Variants in ACOXL observed in about 807,000 individuals in gnomAD.
The protein encoded by ACOXL is acyl-CoA oxidase like.
In ACOXL, 70 loss-of-function variants were observed where a neutral mutation model predicts 71.9. The ratio of observed to expected loss-of-function variants is 0.97; its 90% confidence interval spans 0.80 to 1.19. ACOXL has a LOEUF of 1.19. ACOXL is among the 50% of genes most tolerant of loss of function. ACOXL has a pLI of 0.00. For missense variants in ACOXL, 703 were observed against 736.3 expected, an observed-to-expected ratio of 0.95 and a Z score of 0.52; for synonymous variants, 253 against 281.6, an observed-to-expected ratio of 0.90 and a Z score of 1.02.
At position 111,081,897 on chromosome 2, in the gene ACOXL, A is replaced by G. The variant is rs1475699507; in HGVS notation, c.1441-10968A>G. Among the ~76,000 whole-genome samples, 3 of 152,216 alleles carry G rather than the reference A, an allele frequency of 2.0e-5. No homozygotes were observed. The East Asian group carries it at 5.8e-4, about 29-fold the overall frequency. The stretch of plus-strand genomic sequence containing the variant: ...ATCTATAATCATCTGATCTTTGACA[A>G]ACCTTACAAAAACAAGCAATGGGGA... On this transcript the variant is annotated intron_variant, in intron 16 of 17. Coordinates refer to ENST00000439055, the MANE Select transcript of ACOXL (RefSeq NM_001142807.4).
intron 11 of ACOXL, 93 bp downstream of exon 11, chr2:110,908,998 C>G (rs1230106863): frequency 3.2e-6 from 3 of 948,174 alleles, no homozygotes; most frequent in African/African-American, 1.7e-5. Flanking sequence ...ATGTCATTTT[C>G]TAACTGTGAT....
chr2:110,942,511 G>T (rs761424121), intron 12 of ACOXL, among the ~76,000 whole-genome samples: 59 of 152,136 alleles, frequency 3.9e-4, no homozygotes, highest in Non-Finnish European at 1.5e-5. Flanking sequence ...TCCTCAGGAG[G>T]ATATTACAAT....
At chr2:111,069,300 C>T (rs994270423) in intron 16 of ACOXL, among the ~76,000 whole-genome samples, 2 of 152,004 alleles carry the variant, frequency 1.3e-5, no homozygotes, top group South Asian at 2.1e-4. Flanking sequence ...TACAGGTATG[C>T]GCCATCACAT....
intron 1 of ACOXL, among the ~76,000 whole-genome samples, chr2:110,764,335 A>G (rs1308018915): frequency 6.6e-6 from 1 of 152,236 alleles, no homozygotes; most frequent in Admixed American, 6.5e-5. Context: ...TAGTGCTAAA[A>G]AAAAATGAGG....
intron 9 of ACOXL, among the ~76,000 whole-genome samples, chr2:110,815,838 C>G (rs1687844855): frequency 6.6e-6 from 1 of 152,134 alleles, no homozygotes; most frequent in South Asian, 2.1e-4. Flanking sequence ...GTAAGAAAGT[C>G]TTGCTTGGGG....
chr2:111,104,196 C>G (rs150085945), intron 17 of ACOXL, among the ~76,000 whole-genome samples: 138 of 152,304 alleles, frequency 9.1e-4, no homozygotes, highest in African/African-American at 3.2e-3. Context: ...TTCCACACTA[C>G]ACATGGACTG....
At position 111,117,633 on chromosome 2, in the gene ACOXL, C is replaced by T. The variant is rs770235835; in HGVS notation, c.1560C>T (p.Asp520=). The T allele has an allele frequency of 5.2e-6, 8 of 1,551,806 alleles. No homozygotes were observed. The highest frequency in any genetic ancestry group is 1.4e-5 in the African/African-American group (1 of 73,192). Reference sequence around the variant, plus strand: ...TTTTGCAGTTGCTGGATTTGTGCGACTCGGTGAAGGATGATGCCCGGAGGG... The same window carrying T: ...TTTTGCAGTTGCTGGATTTGTGCGATTCGGTGAAGGATGATGCCCGGAGGG... The part of the protein sequence containing the change: ...RIRNQLLDLC[D]SVKDDARRVI... Residue 520 remains aspartate (D), a synonymous_variant, in exon 18 of 18, where the codon GAC becomes GAT. Transcript: ENST00000439055.
At chr2:110,968,065 G>T in intron 12 of ACOXL, 1 of 1,174,996 alleles carries the variant, frequency 8.5e-7, no homozygotes, top group Non-Finnish European at 1.3e-6. Context: ...AGTCTGCGCA[G>T]CATACGCACA....
At chr2:110,933,363 A>G in intron 11 of ACOXL, 126 bp from the exon 12 acceptor site, 1 of 1,222,220 alleles carries the variant, frequency 8.2e-7, no homozygotes, top group Non-Finnish European at 1.1e-6. Flanking sequence ...CTACAGTTTA[A>G]AATCTGCATC....
intron 11 of ACOXL, among the ~76,000 whole-genome samples, chr2:110,921,398 C>A (rs867978435): frequency 3.8e-5 from 5 of 131,034 alleles, no homozygotes; most frequent in South Asian, 3.1e-4. Flanking sequence ...ACCCCCCCCC[C>A]CCTTTTTTTT....
At chr2:110,984,858 A>G (rs139740444) in intron 12 of ACOXL, among the ~76,000 whole-genome samples, 3 of 152,316 alleles carry the variant, frequency 2.0e-5, no homozygotes, top group African/African-American at 7.2e-5. Context: ...TGGGCAGTAC[A>G]TTGTCTGATG....
At chr2:111,079,887 A>AC (rs1345433390) in intron 16 of ACOXL, among the ~76,000 whole-genome samples, 1 of 151,180 alleles carries the variant, frequency 6.6e-6, no homozygotes, top group African/African-American at 2.4e-5. Context: ...AAAAAAAAAA[A>AC]TCTTTGATTT....
intron 17 of ACOXL, among the ~76,000 whole-genome samples, chr2:111,095,413 T>C (rs2068752704): frequency 7.9e-6 from 1 of 127,316 alleles, no homozygotes. Flanking sequence ...TTTTTTTGAG[T>C]TGGAGTCTTG....
chr2:111,086,606 A>T lies in ACOXL; in HGVS notation c.1441-6259A>T, dbSNP rs189556308. ...TATTGGGGGTTTTTAACATGAAGGA[A>T]TGTTGCATTTTATTGAACATCTTCG... On this transcript the variant is annotated intron_variant, in intron 16 of 17. Coordinates refer to ENST00000439055, the MANE Select transcript of ACOXL (RefSeq NM_001142807.4). Among the ~76,000 whole-genome samples, 61 of 152,266 alleles carry T rather than the reference A, an allele frequency of 4.0e-4. No homozygotes were observed. The East Asian group carries it at 6.2e-3, about 15-fold the overall frequency.
intron 1 of ACOXL, among the ~76,000 whole-genome samples, chr2:110,766,522 T>C (rs1358342814): frequency 2.6e-5 from 4 of 152,170 alleles, no homozygotes; most frequent in Admixed American, 6.5e-5. Flanking sequence ...AGGGGGAAGT[T>C]GAAAGCTGAC....
At chr2:110,857,579 G>A (rs1209951403) in intron 10 of ACOXL, among the ~76,000 whole-genome samples, 1 of 152,212 alleles carries the variant, frequency 6.6e-6, no homozygotes, top group East Asian at 1.9e-4. Flanking sequence ...ACGAGGGAGA[G>A]TAGCATAGTG....
chr2:110,953,028 A>G (rs1042603051), intron 12 of ACOXL, among the ~76,000 whole-genome samples: 5 of 152,350 alleles, frequency 3.3e-5, no homozygotes, highest in Admixed American at 2.6e-4. Flanking sequence ...TTTAAAAAAT[A>G]TAGCCAACAT....
intron 10 of ACOXL, among the ~76,000 whole-genome samples, chr2:110,846,641 GCACACA>G (rs61028803): frequency 7.3e-5 from 10 of 137,928 alleles, no homozygotes; most frequent in African/African-American, 2.2e-4. Flanking sequence ...ATGCATACAC[GCACACA>G]CACACACACA....
intron 11 of ACOXL, among the ~76,000 whole-genome samples, chr2:110,924,628 T>A (rs1447864066): frequency 6.6e-6 from 1 of 152,110 alleles, no homozygotes; most frequent in Admixed American, 6.6e-5. Context: ...TTCAGTCACA[T>A]CTTCAGGCTC....
Sources: allele counts gnomAD v4.1 joint callset (sites outside exome capture counted in the v4.1 genomes callset), GRCh38; gene constraint gnomAD v4.1.1; transcripts MANE v1.5; gene names NCBI Gene and HGNC (gene_info 2026-07-23, HGNC 2026-07-21).